NELL1: variants seen among roughly 807,000 people sequenced by gnomAD.
NELL1 encodes the protein neural EGFL like 1, also known as protein kinase C-binding protein NELL1.
NELL1 carries 76 observed loss-of-function variants against 107.4 expected under a neutral mutation model. The ratio of observed to expected loss-of-function variants is 0.71; its 90% CI spans 0.59 to 0.86. NELL1 has a LOEUF of 0.86. Among genes scored for constraint, NELL1 ranks in the 40% least tolerant of loss-of-function variants. NELL1 has a pLI of 0.00. For synonymous variants in NELL1, 353 were observed against 341.2 expected, an observed-to-expected ratio of 1.03 and a Z score of -0.38; for missense variants, 1,024 against 1,005.5, an observed-to-expected ratio of 1.02 and a Z score of -0.25.
intron 13 of NELL1, among the ~76,000 whole-genome samples, chr11:21,202,922 T>G (rs910714668): frequency 6.6e-6 from 1 of 152,210 alleles, no homozygotes; most frequent in African/African-American, 2.4e-5. Context: ...AGTCTCCATG[T>G]AGTCGTGCAG....
intron 12 of NELL1, among the ~76,000 whole-genome samples, chr11:21,068,656 G>A (rs1301762917): frequency 1.3e-5 from 2 of 152,180 alleles, no homozygotes; most frequent in Non-Finnish European, 1.5e-5. Context: ...AGTGGGCGGG[G>A]CTGCTGAGCA....
chr11:20,913,584 T>C (rs1850180509), intron 5 of NELL1, among the ~76,000 whole-genome samples: 1 of 151,998 alleles, frequency 6.6e-6, no homozygotes, highest in Admixed American at 6.6e-5. Context: ...ATCCATAATA[T>C]ACAATGTACC....
chr11:21,246,197 T>G (rs968088085), intron 14 of NELL1, among the ~76,000 whole-genome samples: 7 of 152,176 alleles, frequency 4.6e-5, no homozygotes, highest in African/African-American at 1.7e-4. Context: ...ATACCAGTTT[T>G]CTATGAAGAA....
intron 12 of NELL1, among the ~76,000 whole-genome samples, chr11:20,988,843 C>T (rs1176092494): frequency 6.6e-6 from 1 of 152,024 alleles, no homozygotes; most frequent in African/African-American, 2.4e-5. Context: ...TTGCCTCAGC[C>T]TCCCAAAGTG....
intron 14 of NELL1, among the ~76,000 whole-genome samples, chr11:21,323,868 A>C (rs751093281): frequency 2.6e-5 from 4 of 152,112 alleles, no homozygotes; most frequent in Non-Finnish European, 5.9e-5. Context: ...TCCCTCACAG[A>C]ATCAGGGTTG....
At chr11:21,307,406 GA>G (rs573388119) in intron 14 of NELL1, among the ~76,000 whole-genome samples, 86 of 151,258 alleles carry the variant, frequency 5.7e-4, no homozygotes, top group Non-Finnish European at 1.2e-3. Flanking sequence ...AGAAAAAAAA[GA>G]AAAAAAGGGC....
intron 12 of NELL1, among the ~76,000 whole-genome samples, chr11:20,975,332 GTTCT>G (rs1158097472): frequency 1.3e-5 from 2 of 151,606 alleles, no homozygotes; most frequent in African/African-American, 4.8e-5. Context: ...TCCTTTTTGT[GTTCT>G]TTAACACATC....
intron 12 of NELL1, among the ~76,000 whole-genome samples, chr11:21,109,983 G>C (rs1408047387): frequency 6.6e-6 from 1 of 152,070 alleles, no homozygotes; most frequent in African/African-American, 2.4e-5. Flanking sequence ...AAAACCGTGA[G>C]AGTTGCCAAT....
intron 14 of NELL1, among the ~76,000 whole-genome samples, chr11:21,247,832 A>G (rs1452640067): frequency 2.0e-5 from 3 of 152,220 alleles, no homozygotes; most frequent in Non-Finnish European, 4.4e-5. Context: ...CACCACAAAC[A>G]TGTGATTGAT....
chr11:21,036,975 A>G (rs1853107741), intron 12 of NELL1, among the ~76,000 whole-genome samples: 2 of 151,824 alleles, frequency 1.3e-5, no homozygotes, highest in Admixed American at 1.3e-4. Flanking sequence ...TTTCACTCAT[A>G]GTGTCTTTTT....
chr11:20,783,623 C>T (rs1224685564), intron 2 of NELL1, 57 bp from the exon 3 acceptor site: 37 of 1,294,118 alleles, frequency 2.9e-5, no homozygotes, highest in Non-Finnish European at 3.9e-5. Flanking sequence ...CTTCTCTACT[C>T]CTTCTCCTTC....
intron 12 of NELL1, among the ~76,000 whole-genome samples, chr11:21,071,517 CTG>C (rs1401652981): frequency 1.3e-5 from 2 of 152,162 alleles, no homozygotes; most frequent in African/African-American, 4.8e-5. Flanking sequence ...GGCTGGAAGA[CTG>C]GATATGTTTA....
At chr11:20,782,266 G>A (rs140668742) in intron 2 of NELL1, among the ~76,000 whole-genome samples, 2 of 152,214 alleles carry the variant, frequency 1.3e-5, no homozygotes, top group African/African-American at 2.4e-5. Flanking sequence ...ATTAAGTAGC[G>A]AAGGCCTTGC....
Position 20,819,589 on chromosome 11 carries a change from C to T in NELL1, c.336-27994C>T, listed in dbSNP as rs138803411. Among the ~76,000 whole-genome samples the T allele has an allele frequency of 2.8e-4, 42 of 152,232 alleles. No individual in the cohort carries two copies. In the East Asian group the frequency reaches 7.7e-3, roughly 28 times the overall value. ...TGTTACATGAGACTTTTAAAATTGTCTAAAAGTTTCAGATGAGGGTAAGAT... is the reference window on the plus strand; with the variant it reads ...TGTTACATGAGACTTTTAAAATTGTTTAAAAGTTTCAGATGAGGGTAAGAT... On this transcript the variant is annotated intron_variant, in intron 3 of 19. Transcript: ENST00000357134.
chr11:20,863,369 C>T (rs1328442159), intron 4 of NELL1, among the ~76,000 whole-genome samples: 1 of 79,306 alleles, frequency 1.3e-5, no homozygotes, highest in Non-Finnish European at 3.6e-5. Flanking sequence ...CGGGGGCTGC[C>T]CCCCACCTCC....
intron 3 of NELL1, among the ~76,000 whole-genome samples, chr11:20,787,720 G>C (rs563062532): frequency 1.3e-5 from 2 of 152,294 alleles, no homozygotes; most frequent in Non-Finnish European, 2.9e-5. Flanking sequence ...GGCATTATTA[G>C]ATTCCTAGAT....
intron 14 of NELL1, among the ~76,000 whole-genome samples, chr11:21,304,179 G>T (rs1414979765): frequency 6.6e-6 from 1 of 151,900 alleles, no homozygotes; most frequent in African/African-American, 2.4e-5. Context: ...CAAGTGTCGG[G>T]TATTCTAATG....
At chr11:20,697,779 C>CT (rs1854663981) in intron 2 of NELL1, among the ~76,000 whole-genome samples, 1 of 152,036 alleles carries the variant, frequency 6.6e-6, no homozygotes, top group African/African-American at 2.4e-5. Context: ...GGGAAATGGT[C>CT]TTTGGGGGAG....
intron 12 of NELL1, among the ~76,000 whole-genome samples, chr11:21,005,822 A>G (rs182617616): frequency 1.1e-3 from 175 of 152,230 alleles, no homozygotes; most frequent in Non-Finnish European, 2.2e-3. Flanking sequence ...CCACCACGGT[A>G]TACTTATTCT....
Sources: allele counts gnomAD v4.1 joint callset (sites outside exome capture counted in the v4.1 genomes callset), GRCh38; gene constraint gnomAD v4.1.1; transcripts MANE v1.5; gene names NCBI Gene and HGNC (gene_info 2026-07-23, HGNC 2026-07-21).